The following PGAP1 variants were observed in gnomAD, a reference collection of about 807,000 sequenced individuals.
PGAP1 encodes post-GPI attachment to proteins inositol deacylase 1.
A neutral mutation model predicts 127.0 loss-of-function variants in PGAP1; 76 were observed. The observed-to-expected ratio is 0.60, with a 90% CI of 0.50 to 0.72. PGAP1 has a LOEUF of 0.72. Among genes scored for constraint, PGAP1 ranks in the 30% least tolerant of loss-of-function variants. The pLI, the probability that PGAP1 is intolerant of heterozygous loss-of-function variation, is 0.00. For synonymous variants in PGAP1, 362 were observed against 366.5 expected, an observed-to-expected ratio of 0.99 and a Z score of 0.14; for missense variants, 982 against 1,071.3, an observed-to-expected ratio of 0.92 and a Z score of 1.16.
At chr2:196,885,561 C>T (rs1032165096) in intron 11 of PGAP1, 86 bp from the exon 12 acceptor site, 3 of 987,820 alleles carry the variant, frequency 3.0e-6, no homozygotes, top group Non-Finnish European at 4.6e-6. Context: ...GAAAAAGAAA[C>T]CATCTCTACA....
At chr2:196,896,935 T>C (rs1576171587) in intron 7 of PGAP1, among the ~76,000 whole-genome samples, 196 bp downstream of exon 7, 1 of 152,086 alleles carries the variant, frequency 6.6e-6, no homozygotes, top group Non-Finnish European at 1.5e-5. Flanking sequence ...TCATTGCATT[T>C]TACAAATCAT....
chr2:196,898,271 G>C, intron 6 of PGAP1, 46 bp downstream of exon 6: 2 of 1,295,652 alleles, frequency 1.5e-6, no homozygotes, highest in East Asian at 4.7e-5. Flanking sequence ...AGGAGAAAGA[G>C]GACCATGACA....
At chr2:196,902,334 G>A (rs1488438079) in intron 5 of PGAP1, among the ~76,000 whole-genome samples, 2 of 152,068 alleles carry the variant, frequency 1.3e-5, no homozygotes, top group Non-Finnish European at 2.9e-5. Flanking sequence ...CATGGTTCCT[G>A]GCCATCCTTT....
intron 24 of PGAP1, 117 bp downstream of exon 24, chr2:196,844,407 T>G: frequency 1.6e-6 from 1 of 641,226 alleles, no homozygotes; most frequent in Non-Finnish European, 2.6e-6. Context: ...TTTACTTAAA[T>G]TCATAATACT....
chr2:196,885,139 A>T (rs1701856839), intron 12 of PGAP1, among the ~76,000 whole-genome samples: 1 of 152,230 alleles, frequency 6.6e-6, no homozygotes, highest in African/African-American at 2.4e-5. Context: ...ATTGAATGTT[A>T]GAAATCCATC....
At chr2:196,877,967 ATAAG>A (rs1701616649) in intron 13 of PGAP1, among the ~76,000 whole-genome samples, 1 of 152,178 alleles carries the variant, frequency 6.6e-6, no homozygotes, top group East Asian at 1.9e-4. Context: ...TATCATGAGA[ATAAG>A]TAAAAGATTA....
chr2:196,872,808 C>T (rs976347027), intron 17 of PGAP1, 152 bp downstream of exon 17: 1 of 564,050 alleles, frequency 1.8e-6, no homozygotes, highest in African/African-American at 1.9e-5. Context: ...CATAAGAATA[C>T]TATATATTAA....
At chr2:196,850,091 G>C (rs529096528) in intron 20 of PGAP1, among the ~76,000 whole-genome samples, 3 of 152,156 alleles carry the variant, frequency 2.0e-5, no homozygotes, top group Non-Finnish European at 4.4e-5. Flanking sequence ...GCCACAGGGT[G>C]GCAGTGGTTG....
chr2:196,862,954 T>C (rs903959931), intron 20 of PGAP1, among the ~76,000 whole-genome samples: 4 of 152,156 alleles, frequency 2.6e-5, no homozygotes, highest in Non-Finnish European at 5.9e-5. Context: ...CCAACAGATG[T>C]ATTTTTTTAA....
chr2:196,865,989 AAAAACATTTCATG>A (rs1479442672), intron 19 of PGAP1, among the ~76,000 whole-genome samples: 1 of 152,216 alleles, frequency 6.6e-6, no homozygotes. Flanking sequence ...AAATAAATGG[AAAAACATTTCATG>A]CTCATGGATA....
intron 12 of PGAP1, among the ~76,000 whole-genome samples, chr2:196,881,467 T>G (rs1239162450): frequency 6.6e-6 from 1 of 152,242 alleles, no homozygotes; most frequent in Non-Finnish European, 1.5e-5. Flanking sequence ...ATGGTTGAAC[T>G]AATTTACACT....
chr2:196,849,222 C>T (rs1700644955), intron 20 of PGAP1, among the ~76,000 whole-genome samples: 1 of 150,268 alleles, frequency 6.7e-6, no homozygotes. Flanking sequence ...GACATTTATA[C>T]TTAAGTCTGG....
At chr2:196,881,281 T>C (rs937138177) in intron 12 of PGAP1, among the ~76,000 whole-genome samples, 8 of 152,224 alleles carry the variant, frequency 5.3e-5, no homozygotes, top group African/African-American at 1.9e-4. Context: ...TGATGGGAAT[T>C]TAGGTTGATT....
chr2:196,842,748 T>C lies in PGAP1; in HGVS notation c.2603A>G (p.Asn868Ser). Residue 868 changes from asparagine to serine, a missense_variant, in exon 26 of 27, where the codon AAT becomes AGT. By Grantham distance (46) the Asn-to-Ser change is conservative (BLOSUM62 1). Transcript: ENST00000354764. ...ILIPTMAILG[N>S]TYTVSIKSSK... ...TGATTTTATTGAAACAGTGTAAGTA[T>C]TTCCAAGAATTGCCATAGTCGGAAT... The C allele has an allele frequency of 1.3e-6, 2 of 1,578,320 alleles. No individual in the cohort carries two copies. The highest frequency in any genetic ancestry group is 1.7e-6 in the Non-Finnish European group (2 of 1,156,402).
At chr2:196,853,410 T>C (rs1017390998) in intron 20 of PGAP1, among the ~76,000 whole-genome samples, 2 of 152,248 alleles carry the variant, frequency 1.3e-5, no homozygotes, top group Non-Finnish European at 2.9e-5. Context: ...CTATGTCACA[T>C]GTTTTTACTT....
In PGAP1 at chr2:196,841,180, C is replaced by T. The variant is rs1009282977; in HGVS notation, c.*54G>A. On this transcript the variant is annotated 3_prime_UTR_variant, in exon 27 of 27. Coordinates refer to ENST00000354764, the MANE Select transcript of PGAP1 (RefSeq NM_024989.4). ...ATACTGATGGATCTGTGTGTTCCCT[C>T]TTATCACTGGCCCTAAACACATAAA... 3.3e-6 allele frequency: 5 copies of T among 1,538,208 alleles called. No homozygotes were observed. Among genetic ancestry groups the T allele is most frequent in the Admixed American group, 3.8e-5 (2 of 52,368 alleles).
At chr2:196,925,109 ATCT>A (rs58422305) in intron 1 of PGAP1, among the ~76,000 whole-genome samples, 15,440 of 152,206 alleles carry the variant, frequency 0.1, 945 homozygotes, top group African/African-American at 0.17. Context: ...ACATGTCAAA[ATCT>A]TCTCCTTCGA....
At chr2:196,922,577 GACAC>G (rs59881211) in intron 1 of PGAP1, 7,577 of 386,628 alleles carry the variant, frequency 0.02, 95 homozygotes, top group African/African-American at 0.065. Context: ...CACACACACA[GACAC>G]ACACACACAC....
intron 22 of PGAP1, among the ~76,000 whole-genome samples, chr2:196,846,748 T>C (rs1425433378): frequency 6.6e-6 from 1 of 152,192 alleles, no homozygotes; most frequent in Non-Finnish European, 1.5e-5. Flanking sequence ...CCACGAAATG[T>C]AAAACTATCT....
Sources: gnomAD v4.1 joint callset for allele counts (sites outside exome capture counted in the v4.1 genomes callset) on GRCh38, gnomAD v4.1.1 for gene constraint, MANE v1.5 for transcripts, NCBI Gene and HGNC (gene_info 2026-07-23, HGNC 2026-07-21) for gene names.